The following FYB1 variants were observed in gnomAD, a reference collection of about 807,000 sequenced individuals.
FYB1 encodes FYN-binding protein 1.
Under a neutral mutation model 94.1 loss-of-function variants are expected in FYB1, and 41 were observed. That is an observed-to-expected ratio of 0.44 (90% CI 0.34 to 0.57). The LOEUF (loss-of-function observed/expected upper bound fraction) is 0.57, where lower values mean the gene tolerates loss of function less well. Ranked by LOEUF, FYB1 falls within the 20% of genes least tolerant of loss-of-function variation. The pLI is 0.02. For missense variants in FYB1, 1,050 were observed against 976.8 expected (o/e 1.07, Z -1.00); for synonymous variants, 367 against 353.2 (o/e 1.04, Z -0.44).
At chr5:39,137,415 A>G (rs1217155975) in intron 7 of FYB1, 185 bp downstream of exon 7, 22 of 510,408 alleles carry the variant, frequency 4.3e-5, no homozygotes, top group Non-Finnish European at 2.6e-5. Flanking sequence ...TTTAAATTTT[A>G]TTATATTAGT....
intron 3 of FYB1, among the ~76,000 whole-genome samples, chr5:39,146,015 G>A (rs1742618175): frequency 6.6e-6 from 1 of 151,432 alleles, no homozygotes; most frequent in African/African-American, 2.4e-5. Context: ...CGGGTTCAAG[G>A]GATTCTCCTG....
intron 1 of FYB1, among the ~76,000 whole-genome samples, chr5:39,249,268 C>T (rs1751616331): frequency 6.6e-6 from 1 of 152,204 alleles, no homozygotes; most frequent in African/African-American, 2.4e-5. Flanking sequence ...TCCACTAGGC[C>T]AGATGTCAGC....
chr5:39,212,094 C>T (rs1172925004), intron 1 of FYB1, among the ~76,000 whole-genome samples: 3 of 152,046 alleles, frequency 2.0e-5, no homozygotes, highest in East Asian at 3.9e-4. Context: ...TTGCTTGAGG[C>T]CAGGTGATTG....
At chr5:39,149,174 T>A (rs549672650) in intron 3 of FYB1, among the ~76,000 whole-genome samples, 8 of 152,330 alleles carry the variant, frequency 5.3e-5, no homozygotes, top group African/African-American at 1.7e-4. Flanking sequence ...TTATTTAGGA[T>A]TTCTGATTCT....
chr5:39,204,224 G>A (rs985087734), intron 1 of FYB1, among the ~76,000 whole-genome samples: 1 of 152,110 alleles, frequency 6.6e-6, no homozygotes, highest in Non-Finnish European at 1.5e-5. Flanking sequence ...TTTCCTCTTA[G>A]AGTGATGAGA....
intron 2 of FYB1, among the ~76,000 whole-genome samples, chr5:39,159,454 G>C (rs773158905): frequency 1.3e-5 from 2 of 152,304 alleles, no homozygotes; most frequent in East Asian, 1.9e-4. Flanking sequence ...ACAGTCATTT[G>C]CATCTAAAGT....
chr5:39,191,145 A>AT (rs1380431639), intron 2 of FYB1, among the ~76,000 whole-genome samples: 2 of 152,184 alleles, frequency 1.3e-5, no homozygotes, highest in East Asian at 1.9e-4. Flanking sequence ...CTGCTTTGCC[A>AT]TTTTTTGGGG....
intron 2 of FYB1, among the ~76,000 whole-genome samples, chr5:39,171,947 G>A (rs1745285119): frequency 6.6e-6 from 1 of 152,150 alleles, no homozygotes; most frequent in South Asian, 2.1e-4. Flanking sequence ...TGACAAGCAG[G>A]GGTGAAGGAT....
chr5:39,107,528 G>A (rs1738642920), intron 18 of FYB1, 63 bp from the exon 19 acceptor site: 7 of 1,162,388 alleles, frequency 6.0e-6, no homozygotes, highest in Non-Finnish European at 8.5e-6. Context: ...AGTATTCCAA[G>A]TTTGGAAATG....
chr5:39,186,642 T>C (rs906539005), intron 2 of FYB1, among the ~76,000 whole-genome samples: 1 of 83,636 alleles, frequency 1.2e-5, no homozygotes, highest in East Asian at 2.5e-4. Context: ...TGGATGCTTT[T>C]TTTTTTTTTT....
chr5:39,196,601 C>CA lies in FYB1; in HGVS notation c.1135+5224dup, dbSNP rs1193050274. ...TGGCAAGCAGACTGGCTTCTGTCTT[C>CA]ATGGAGCTTATAGTGGTATTTACAA... On this transcript the variant is annotated intron_variant, in intron 2 of 18. Coordinates refer to ENST00000512982, the MANE Select transcript of FYB1 (RefSeq NM_001465.6). 2.0e-5 allele frequency among the ~76,000 whole-genome samples: 3 copies of CA among 152,300 alleles called. No homozygotes were observed. The East Asian group carries it at 5.8e-4, about 29-fold the overall frequency.
At position 39,202,676 on chromosome 5, in the gene FYB1, T is replaced by C. The variant is rs765787435; in HGVS notation, c.285A>G (p.Pro95=). 1.9e-5 allele frequency: 30 copies of C among 1,613,734 alleles called. No homozygotes were observed. The highest frequency in any genetic ancestry group is 3.3e-5 in the Admixed American group (2 of 59,984). The change falls in exon 2 of 19, where the codon CCA becomes CCG. Residue 95 remains proline (P), a synonymous_variant. Transcript: ENST00000512982. Reference sequence around the variant, plus strand: ...CGGGGTCTCTGGTGGTCAAGCTGGCTGGTGTTCCGAATCTTTGGCCTGCTC... The same window carrying C: ...CGGGGTCTCTGGTGGTCAAGCTGGCCGGTGTTCCGAATCTTTGGCCTGCTC... The part of the protein sequence containing the change: ...PTGAGQRFGT[P]ASLTTRDPEA...
chr5:39,130,081 A>T (rs1034321325), intron 10 of FYB1, among the ~76,000 whole-genome samples: 1 of 152,118 alleles, frequency 6.6e-6, no homozygotes, highest in Non-Finnish European at 1.5e-5. Context: ...ATAAAAAAAA[A>T]AGAATGAAAT....
At chr5:39,220,250 AT>A (rs1750175767), upstream of FYB1, among the ~76,000 whole-genome samples, 1 of 151,824 alleles carries the variant, frequency 6.6e-6, no homozygotes, top group South Asian at 2.1e-4. Flanking sequence ...CTCTACAAAA[AT>A]AAAAAAAAAA....
At position 39,141,836 on chromosome 5, in the gene FYB1, C is replaced by T. The variant is rs546981351; in HGVS notation, c.1293-695G>A. On this transcript the variant is annotated intron_variant, in intron 3 of 18. Transcript: ENST00000512982. ...GCAGTGAGCTAAGATCGCACCACTG[C>T]ACTCCAGCCTGTGCAATAGAGTAAG... 2.3e-4 allele frequency among the ~76,000 whole-genome samples: 35 copies of T among 151,184 alleles called. 2 individuals carry two copies. The South Asian group carries it at 7.3e-3, about 32-fold the overall frequency.
At chr5:39,260,150 AGGAG>A (rs1285649623) in intron 1 of FYB1, among the ~76,000 whole-genome samples, 2 of 152,364 alleles carry the variant, frequency 1.3e-5, no homozygotes, top group Non-Finnish European at 2.9e-5. Context: ...AAGCATAGGA[AGGAG>A]GAAATGATAG....
At position 39,169,098 on chromosome 5, in the gene FYB1, T is replaced by A. The variant is rs56849260; in HGVS notation, c.1136-15494A>T. 760 of 630,146 alleles carry A rather than the reference T, an allele frequency of 1.2e-3. 6 individuals are homozygous for A. The African/African-American group carries it at 0.013, about 11-fold the overall frequency. 39.0% of individuals were successfully genotyped at this position (630,146 alleles called of 1,614,324 possible). A position where few individuals can be genotyped will look rare whatever the true frequency, so the allele number is the denominator to read the frequency against. ...AATAACTTAAAAAGTTAAAAGCTTG[T>A]AGTGATAAAATAATCTTGTGCACAT... On this transcript the variant is annotated intron_variant, in intron 2 of 18. Transcript: ENST00000512982.
At chr5:39,141,888 A>AAT (rs1742221288) in intron 3 of FYB1, among the ~76,000 whole-genome samples, 1 of 151,102 alleles carries the variant, frequency 6.6e-6, no homozygotes, top group Non-Finnish European at 1.5e-5. Flanking sequence ...AAAAAAAAAA[A>AAT]ACTTACATAG....
At chr5:39,216,182 G>C (rs1334025441) in intron 1 of FYB1, among the ~76,000 whole-genome samples, 1 of 152,160 alleles carries the variant, frequency 6.6e-6, no homozygotes, top group Non-Finnish European at 1.5e-5. Flanking sequence ...AAGCTGCCTA[G>C]TTTGTGGTAC....
Sources: allele counts gnomAD v4.1 joint callset (sites outside exome capture counted in the v4.1 genomes callset), GRCh38; gene constraint gnomAD v4.1.1; transcripts MANE v1.5; gene names NCBI Gene and HGNC (gene_info 2026-07-23, HGNC 2026-07-21).